POLA1: variants seen among roughly 807,000 people sequenced by gnomAD.
The protein encoded by POLA1 is DNA polymerase alpha catalytic subunit.
A neutral mutation model predicts 124.0 loss-of-function variants in POLA1; 15 were observed. The ratio of observed to expected loss-of-function variants is 0.12; its 90% confidence interval spans 0.08 to 0.19. The LOEUF (loss-of-function observed/expected upper bound fraction) is 0.19. Ranked by LOEUF, POLA1 falls within the 10% of genes least tolerant of loss-of-function variation. The pLI is 1.00. For synonymous variants in POLA1, 408 were observed against 389.4 expected (o/e 1.05, Z -0.56); for missense variants, 886 against 1,103.4 (o/e 0.80, Z 2.79).
chrX:24,790,911 G>GTATATGTATATATATATATA (rs1555991306), intron 26 of POLA1, among the ~76,000 whole-genome samples: 1 of 78,300 alleles, frequency 1.3e-5, no homozygotes, highest in African/African-American at 5.3e-5. Context: ...TTATGTATAT[G>GTATATGTATATATATATATA]TATATATATA....
At chrX:24,955,618 G>A (rs1437437518) in intron 36 of POLA1, among the ~76,000 whole-genome samples, 1 of 112,245 alleles carries the variant, frequency 8.9e-6, no homozygotes, top group East Asian at 2.8e-4. Flanking sequence ...GCATTAGGCA[G>A]TCCCCATTGT....
At chrX:24,710,039 G>A (rs1569274772) in intron 4 of POLA1, among the ~76,000 whole-genome samples, 2 of 103,894 alleles carry the variant, frequency 1.9e-5, no homozygotes, top group Non-Finnish European at 4.0e-5. Context: ...CAAGGCAGGC[G>A]GCTGCTCCTT....
At chrX:24,824,460 CTTTTTTTTTT>C (rs781633550) in intron 31 of POLA1, among the ~76,000 whole-genome samples, 11 of 67,086 alleles carry the variant, frequency 1.6e-4, no homozygotes, top group African/African-American at 5.8e-4. Context: ...GCCTGGCTAA[CTTTTTTTTTT>C]TTTTTTTTTT....
chrX:24,821,914 G>A (rs1381914836), intron 31 of POLA1, among the ~76,000 whole-genome samples: 1 of 111,718 alleles, frequency 9.0e-6, no homozygotes, highest in Non-Finnish European at 1.9e-5. Context: ...AATAATAAAA[G>A]AATAAATGCC....
At chrX:24,828,818 G>A in intron 32 of POLA1, among the ~76,000 whole-genome samples, 1 of 111,482 alleles carries the variant, frequency 9.0e-6, no homozygotes, top group Non-Finnish European at 1.9e-5. Flanking sequence ...CTGCTTGGGT[G>A]GATTGGCCTG....
chrX:24,698,133 G>A lies in POLA1; in HGVS notation c.44-1292G>A, dbSNP rs765639166. 3.6e-5 allele frequency among the ~76,000 whole-genome samples: 4 copies of A among 109,871 alleles called. No homozygotes were observed. The South Asian group carries it at 1.2e-3, about 33-fold the overall frequency. ...ATTTTTGTATTTTTAGTAGAGTTGG[G>A]GTTTCACCATGTTGGTCAGGCTGGT... On this transcript the variant is annotated intron_variant, in intron 1 of 36. Transcript: ENST00000379068.
chrX:24,782,571 G>C (rs1024345986), intron 26 of POLA1, among the ~76,000 whole-genome samples: 1 of 111,571 alleles, frequency 9.0e-6, no homozygotes, highest in African/African-American at 3.3e-5. Context: ...GATTTCAACA[G>C]AGTGCTACCT....
chrX:24,737,508 G>A, intron 18 of POLA1, 117 bp from the exon 19 acceptor site: 1 of 479,969 alleles, frequency 2.1e-6, no homozygotes, highest in Non-Finnish European at 3.7e-6. Context: ...GTAAGTGCAT[G>A]ATGTCTTCAA....
intron 35 of POLA1, among the ~76,000 whole-genome samples, chrX:24,904,835 G>A (rs1336372438): frequency 9.0e-6 from 1 of 110,942 alleles, no homozygotes; most frequent in African/African-American, 3.3e-5. Flanking sequence ...GACCAGCCTG[G>A]CCAACATGGC....
rs1276783861 is a variant in POLA1 at position 24,812,795 on chromosome X, C to G, written c.3228C>G (p.Thr1076=). The part of the protein sequence containing the change: ...VEPTSDGNYV[T]KQELKGLDIV... ...CAACGTCGGATGGGAATTATGTCAC[C>G]AAACAGGAGCTCAAAGGATTAGATA... The change falls in exon 29 of 37, where the codon ACC becomes ACG. Residue 1076 remains threonine (T), a synonymous_variant. Transcript: ENST00000379068. 4.1e-6 allele frequency: 5 copies of G among 1,205,588 alleles called. No homozygotes were observed. In the South Asian group the frequency reaches 7.0e-5, roughly 17 times the overall value.
At chrX:24,894,192 A>G (rs1252291788) in intron 35 of POLA1, among the ~76,000 whole-genome samples, 1 of 112,301 alleles carries the variant, frequency 8.9e-6, no homozygotes, top group Non-Finnish European at 1.9e-5. Flanking sequence ...CACTAGCACT[A>G]GTATGGAGCA....
In POLA1 at chrX:24,996,733, G is replaced by C. The variant is rs1483055297; in HGVS notation, c.*783G>C. The C allele has an allele frequency of 8.9e-6, 1 of 112,318 alleles. No individual in the cohort carries two copies. The highest frequency in any genetic ancestry group is 1.9e-5 in the Non-Finnish European group (1 of 53,254). The allele number at this position is 112,318 out of a possible 1,213,427, so 9.3% of individuals were successfully genotyped here. The stretch of plus-strand genomic sequence containing the variant: ...TGTGTTGTATTCAGAAAAACGGGGA[G>C]AGGGATGCTTAATTGGCCCTGGCGC... On this transcript the variant is annotated 3_prime_UTR_variant, in exon 37 of 37. Coordinates refer to ENST00000379068, the MANE Select transcript of POLA1 (RefSeq NM_001330360.2).
intron 23 of POLA1, 141 bp from the exon 24 acceptor site, chrX:24,745,277 C>T (rs1270831987): frequency 9.3e-6 from 3 of 323,790 alleles, no homozygotes; most frequent in Non-Finnish European, 1.6e-5. Context: ...TTCTTTTTTT[C>T]CCTTTTTGTC....
intron 36 of POLA1, among the ~76,000 whole-genome samples, chrX:24,987,748 CGTT>C (rs1454801565): frequency 1.6e-4 from 18 of 111,435 alleles, no homozygotes; most frequent in African/African-American, 5.9e-4. Context: ...CCCCTGGAAT[CGTT>C]GTAACTTTAT....
At chrX:24,733,884 T>C in intron 17 of POLA1, 68 bp downstream of exon 17, 1 of 572,554 alleles carries the variant, frequency 1.7e-6, no homozygotes, top group Non-Finnish European at 2.8e-6. Context: ...TGGTATGGAC[T>C]AGTAGAAAAA....
intron 36 of POLA1, among the ~76,000 whole-genome samples, chrX:24,933,919 G>A (rs59653541): frequency 0.027 from 2,981 of 112,192 alleles, 101 homozygotes; most frequent in African/African-American, 0.09. Context: ...AGTGTTTACT[G>A]CATATTTGCT....
chrX:24,801,962 T>TGTGTGTGTGTGTGA, intron 26 of POLA1, among the ~76,000 whole-genome samples: 1 of 106,633 alleles, frequency 9.4e-6, no homozygotes, highest in African/African-American at 3.5e-5. Context: ...TGTGTGTGTG[T>TGTGTGTGTGTGTGA]GTGTGTGTGA....
intron 36 of POLA1, among the ~76,000 whole-genome samples, chrX:24,959,901 G>A (rs918125826): frequency 1.8e-5 from 2 of 111,387 alleles, no homozygotes; most frequent in South Asian, 3.8e-4. Flanking sequence ...CTACTGGGCC[G>A]CACTGTGTCT....
chrX:24,926,328 TA>T (rs1269685027), intron 35 of POLA1, among the ~76,000 whole-genome samples: 2 of 111,248 alleles, frequency 1.8e-5, no homozygotes, highest in Admixed American at 1.9e-4. Flanking sequence ...GGGGAATAAT[TA>T]GGGGAATAAG....
Sources: allele counts gnomAD v4.1 joint callset (sites outside exome capture counted in the v4.1 genomes callset), GRCh38; gene constraint gnomAD v4.1.1; transcripts MANE v1.5; gene names NCBI Gene and HGNC (gene_info 2026-07-23, HGNC 2026-07-21).